The following PREPL variants were observed in gnomAD, a reference collection of about 807,000 sequenced individuals.
The protein encoded by PREPL is prolyl endopeptidase like.
A neutral mutation model predicts 70.6 loss-of-function variants in PREPL; 77 were observed. The ratio of observed to expected loss-of-function variants is 1.09; its 90% CI spans 0.91 to 1.32. The LOEUF is 1.32. Ranked by LOEUF, PREPL falls within the 40% of genes most tolerant of loss-of-function variation. PREPL has a pLI of 0.00. For missense variants in PREPL, 1,002 were observed against 778.2 expected, an observed-to-expected ratio of 1.29 and a Z score of -3.42; for synonymous variants, 315 against 264.8, an observed-to-expected ratio of 1.19 and a Z score of -1.84.
intron 1 of PREPL, chr2:44,359,951 C>T (rs978594183): frequency 1.7e-5 from 8 of 476,670 alleles, no homozygotes; most frequent in East Asian, 3.6e-5. Context: ...TAATTCTTGG[C>T]AGATGTGACT....
At position 44,326,948 on chromosome 2, in the gene PREPL, A is replaced by G; in HGVS notation, c.1263-20T>C. Reference sequence around the variant, plus strand: ...CCACCTCTGAAATTGAAGGGCAAAAAAGTTTTAGTGGAAAAAAAAAGTTAA... The same window carrying G: ...CCACCTCTGAAATTGAAGGGCAAAAGAGTTTTAGTGGAAAAAAAAAGTTAA... On this transcript the variant is annotated intron_variant, in intron 9 of 13. Coordinates refer to ENST00000409411, the MANE Select transcript of PREPL (RefSeq NM_001171613.2). The G allele has an allele frequency of 6.2e-7, 1 of 1,608,470 alleles. No homozygotes were observed. Among genetic ancestry groups the G allele is most frequent in the East Asian group, 2.2e-5 (1 of 44,804 alleles).
In PREPL at chr2:44,342,430, C is replaced by A. The variant is rs1191356875; in HGVS notation, c.472G>T (p.Glu158Ter). 1 of 1,609,108 alleles carries A rather than the reference C, an allele frequency of 6.2e-7. No individual in the cohort carries two copies. Among genetic ancestry groups the A allele is most frequent in the Non-Finnish European group, 8.5e-7 (1 of 1,177,534 alleles). Residue 158 changes from glutamate (E) to a stop codon, truncating the protein, a stop_gained, in exon 5 of 14, where the codon GAA (glutamate) becomes TAA (stop). Coordinates refer to ENST00000409411, the MANE Select transcript of PREPL (RefSeq NM_001171613.2). LOFTEE classifies it high-confidence loss of function. ...DNKRNERFYT[E>*]KDPSYFVFLY... Reference sequence around the variant, plus strand: ...TTATTCTAGTACCTTGGGTCTTTTTCTGTGTAAAAGCGTTCATTACGTTTG... The same window carrying A: ...TTATTCTAGTACCTTGGGTCTTTTTATGTGTAAAAGCGTTCATTACGTTTG...
chr2:44,348,408 C>T (rs927741366), intron 1 of PREPL, among the ~76,000 whole-genome samples: 1 of 152,128 alleles, frequency 6.6e-6, no homozygotes, highest in Non-Finnish European at 1.5e-5. Flanking sequence ...TAGGAGCTGC[C>T]TTTGCATTTC....
intron 9 of PREPL, 119 bp downstream of exon 9, chr2:44,328,818 C>T: frequency 9.2e-7 from 1 of 1,091,754 alleles, no homozygotes; most frequent in South Asian, 1.9e-5. Flanking sequence ...TTTAGGAATA[C>T]AAAAATTGAA....
intron 5 of PREPL, 94 bp from the exon 6 acceptor site, chr2:44,339,457 T>C (rs1339010846): frequency 9.4e-6 from 14 of 1,493,214 alleles, no homozygotes; most frequent in South Asian, 2.6e-5. Context: ...AGTATACATG[T>C]TGATTTATAA....
rs374897579 is a variant in PREPL at position 44,355,342 on chromosome 2, T to C, written c.-49+6038A>G. Among the ~76,000 whole-genome samples the C allele has an allele frequency of 3.3e-5, 5 of 152,256 alleles. No individual in the cohort carries two copies. In the East Asian group the frequency reaches 9.7e-4, roughly 29 times the overall value. ...GCAGGTGGATTGCTTGAGGCTGGGC[T>C]TCCAGACCAGCCTAGCCAACATGGC... On this transcript the variant is annotated intron_variant, in intron 1 of 13. Coordinates refer to ENST00000409411, the MANE Select transcript of PREPL (RefSeq NM_001171613.2).
intron 8 of PREPL, 76 bp from the exon 9 acceptor site, chr2:44,329,188 T>A: frequency 8.2e-7 from 1 of 1,223,710 alleles, no homozygotes; most frequent in Non-Finnish European, 1.2e-6. Context: ...TAAAATACAT[T>A]GAGGTGCACT....
chr2:44,336,468 AAG>A (rs1188570041), intron 7 of PREPL, among the ~76,000 whole-genome samples: 1 of 152,144 alleles, frequency 6.6e-6, no homozygotes, highest in Non-Finnish European at 1.5e-5. Flanking sequence ...TCTCACTTAT[AAG>A]TGGGAGCTAA....
chr2:44,318,233 G>T lies in PREPL; in HGVS notation c.*3123C>A. On this transcript the variant is annotated 3_prime_UTR_variant, in exon 14 of 14. Transcript: ENST00000409411. Reference sequence around the variant, plus strand: ...AGCCTCCCAAGTAGCTGGGATTACAGGTGCACGTCATTATGCCCGGGTAAT... The same window carrying T: ...AGCCTCCCAAGTAGCTGGGATTACATGTGCACGTCATTATGCCCGGGTAAT... 1 of 345,358 alleles carries T rather than the reference G, an allele frequency of 2.9e-6. No homozygotes were observed. The highest frequency in any genetic ancestry group is 5.7e-6 in the Non-Finnish European group (1 of 174,438). 21.4% of individuals were successfully genotyped at this position (345,358 alleles called of 1,614,324 possible). A position where few individuals can be genotyped will look rare whatever the true frequency, so the allele number is the denominator to read the frequency against.
At chr2:44,358,020 A>G (rs1232952853) in intron 1 of PREPL, among the ~76,000 whole-genome samples, 2 of 152,342 alleles carry the variant, frequency 1.3e-5, no homozygotes, top group African/African-American at 4.8e-5. Flanking sequence ...ATAAAATGTT[A>G]AAAGCAAAAG....
chr2:44,346,344 T>C lies in PREPL; in HGVS notation c.-2A>G, dbSNP rs2104023319. On this transcript the variant is annotated 5_prime_UTR_variant, in exon 2 of 14. Coordinates refer to ENST00000409411, the MANE Select transcript of PREPL (RefSeq NM_001171613.2). ...TCTCACTTTTTCAAATGCATCCATG[T>C]TTTCTGGAAGGGGTTTTTCGTTTTC... The C allele has an allele frequency of 1.2e-6, 2 of 1,612,810 alleles. No individual in the cohort carries two copies. Among genetic ancestry groups the C allele is most frequent in the Non-Finnish European group, 1.7e-6 (2 of 1,179,162 alleles).
chr2:44,329,221 C>T (rs1262683460), intron 8 of PREPL, 109 bp from the exon 9 acceptor site: 13 of 852,366 alleles, frequency 1.5e-5, no homozygotes, highest in East Asian at 2.7e-5. Context: ...GTGCTACCTA[C>T]TGATGTTGAG....
Position 44,318,217 on chromosome 2 carries a change from A to C in PREPL, c.*3139T>G, listed in dbSNP as rs775434182. 2 of 381,108 alleles carry C rather than the reference A, an allele frequency of 5.2e-6. No homozygotes were observed. Among genetic ancestry groups the C allele is most frequent in the South Asian group, 1.8e-5 (1 of 54,866 alleles). 23.6% of individuals were successfully genotyped at this position (381,108 alleles called of 1,614,324 possible). A position where few individuals can be genotyped will look rare whatever the true frequency, so the allele number is the denominator to read the frequency against. ...GTGATTCTCCTGCTGCAGCCTCCCAAGTAGCTGGGATTACAGGTGCACGTC... is the reference window on the plus strand; with the variant it reads ...GTGATTCTCCTGCTGCAGCCTCCCACGTAGCTGGGATTACAGGTGCACGTC... On this transcript the variant is annotated 3_prime_UTR_variant, in exon 14 of 14. Coordinates refer to ENST00000409411, the MANE Select transcript of PREPL (RefSeq NM_001171613.2).
intron 1 of PREPL, among the ~76,000 whole-genome samples, chr2:44,350,965 C>CTT (rs34798485): frequency 8.0e-5 from 12 of 150,332 alleles, no homozygotes; most frequent in Middle Eastern, 3.5e-3. Context: ...AACTCCCTGG[C>CTT]TTTTTTTTTG....
chr2:44,359,762 C>G (rs182137976), intron 1 of PREPL: 3 of 1,340,260 alleles, frequency 2.2e-6, no homozygotes, highest in Non-Finnish European at 3.2e-6. Flanking sequence ...TGCCAGCACA[C>G]GAATGATTTT....
rs1369461154 is a variant in PREPL at position 44,319,084 on chromosome 2, A to G, written c.*2272T>C. ...AGGCTAGAGAAAATGTTAATAACTT[A>G]GACAAGTCATACATGTATCATAAAT... On this transcript the variant is annotated 3_prime_UTR_variant, in exon 14 of 14. Coordinates refer to ENST00000409411, the MANE Select transcript of PREPL (RefSeq NM_001171613.2). The G allele has an allele frequency of 6.6e-6, 1 of 152,544 alleles. No homozygotes were observed. 9.4% of individuals were successfully genotyped at this position (152,544 alleles called of 1,614,324 possible).
upstream of PREPL, chr2:44,361,855 C>A: frequency 7.6e-7 from 1 of 1,311,342 alleles, no homozygotes; most frequent in Non-Finnish European, 9.7e-7. Context: ...GATGCGAGTA[C>A]CGGAAATGCG....
Position 44,323,190 on chromosome 2 carries a change from G to C in PREPL, c.1629+72C>G, listed in dbSNP as rs1572841084. Reference sequence around the variant, plus strand: ...CTCTAAAGCTCCTATTTTTGCTTCAGCTTGGATAAGTTTTTTTTTTATTAT... The same window carrying C: ...CTCTAAAGCTCCTATTTTTGCTTCACCTTGGATAAGTTTTTTTTTTATTAT... On this transcript the variant is annotated intron_variant, in intron 11 of 13. Coordinates refer to ENST00000409411, the MANE Select transcript of PREPL (RefSeq NM_001171613.2). 1.8e-5 allele frequency: 26 copies of C among 1,410,948 alleles called. No homozygotes were observed. The East Asian group carries it at 6.1e-4, about 33-fold the overall frequency. 87.4% of individuals were successfully genotyped at this position (1,410,948 alleles called of 1,614,324 possible).
chr2:44,324,036 C>T (rs563504292), intron 10 of PREPL, among the ~76,000 whole-genome samples: 41 of 152,222 alleles, frequency 2.7e-4, no homozygotes, highest in South Asian at 1.2e-3. Context: ...GTCCATTAAC[C>T]AAAGAACGAA....
Sources: allele counts gnomAD v4.1 joint callset (sites outside exome capture counted in the v4.1 genomes callset), GRCh38; gene constraint gnomAD v4.1.1; transcripts MANE v1.5; gene names NCBI Gene and HGNC (gene_info 2026-07-23, HGNC 2026-07-21).